The following LTBP1 variants were observed in gnomAD, a reference collection of about 807,000 sequenced individuals.
The protein encoded by LTBP1 is latent transforming growth factor beta binding protein 1.
LTBP1 carries 129 observed loss-of-function variants against 207.6 expected under a neutral mutation model. The observed-to-expected ratio is 0.62, with a 90% CI of 0.54 to 0.72. The LOEUF is 0.72. Among genes scored for constraint, LTBP1 ranks in the 30% least tolerant of loss-of-function variants. The pLI, the probability that LTBP1 is intolerant of heterozygous loss-of-function variation, is 0.00. For missense variants in LTBP1, 2,281 were observed against 2,217.2 expected (o/e 1.03, Z -0.58); for synonymous variants, 963 against 833.7 (o/e 1.16, Z -2.67).
At chr2:32,978,666 AT>A (rs375742867) in intron 2 of LTBP1, among the ~76,000 whole-genome samples, 1,370 of 115,622 alleles carry the variant, frequency 0.012, 5 homozygotes, top group African/African-American at 0.025. Flanking sequence ...TTTTTTTTTA[AT>A]TTTTTTTTTT....
chr2:33,096,706 G>A (rs2079414168), intron 3 of LTBP1, among the ~76,000 whole-genome samples: 1 of 152,144 alleles, frequency 6.6e-6, no homozygotes. Context: ...TAAGAGAATG[G>A]AAAGGAATTG....
chr2:32,965,477 C>T (rs1679818023), intron 2 of LTBP1, among the ~76,000 whole-genome samples: 1 of 152,184 alleles, frequency 6.6e-6, no homozygotes, highest in Non-Finnish European at 1.5e-5. Context: ...GCCCTGCCTA[C>T]TCATCCCTCC....
intron 7 of LTBP1, among the ~76,000 whole-genome samples, chr2:33,202,229 C>T (rs145430589): frequency 6.6e-6 from 1 of 151,958 alleles, no homozygotes; most frequent in African/African-American, 2.4e-5. Context: ...ATACTTTTGT[C>T]ACAGGACTTT....
intron 31 of LTBP1, among the ~76,000 whole-genome samples, chr2:33,384,371 C>T (rs1029185271): frequency 4.6e-5 from 7 of 152,094 alleles, no homozygotes; most frequent in Middle Eastern, 3.2e-3. Flanking sequence ...TAAGCATTTG[C>T]GCTTGGGGCA....
At chr2:33,382,545 C>T (rs957696607) in intron 31 of LTBP1, among the ~76,000 whole-genome samples, 2 of 152,142 alleles carry the variant, frequency 1.3e-5, no homozygotes. Flanking sequence ...CTTTAGTCAT[C>T]GTCTCTGTGA....
intron 3 of LTBP1, among the ~76,000 whole-genome samples, chr2:33,036,726 G>A (rs1336649198): frequency 1.3e-5 from 2 of 152,182 alleles, no homozygotes; most frequent in African/African-American, 2.4e-5. Flanking sequence ...CCAAAGTGCT[G>A]GGATTACAGG....
At chr2:33,091,598 T>C (rs1572595420) in intron 3 of LTBP1, among the ~76,000 whole-genome samples, 1 of 152,350 alleles carries the variant, frequency 6.6e-6, no homozygotes, top group African/African-American at 2.4e-5. Context: ...ATGCTGCTTA[T>C]GAACACTTCT....
chr2:33,186,184 T>G (rs562660055), intron 5 of LTBP1, among the ~76,000 whole-genome samples: 2 of 152,342 alleles, frequency 1.3e-5, no homozygotes, highest in Non-Finnish European at 2.9e-5. Context: ...TTTAGTGTCT[T>G]AAATAGAGAA....
intron 2 of LTBP1, among the ~76,000 whole-genome samples, chr2:32,995,924 G>A (rs938025101): frequency 6.6e-6 from 1 of 152,172 alleles, no homozygotes; most frequent in Non-Finnish European, 1.5e-5. Context: ...TGAGGAAATC[G>A]AGGTCTATTG....
intron 3 of LTBP1, among the ~76,000 whole-genome samples, chr2:33,091,340 T>C (rs2079078635): frequency 6.6e-6 from 1 of 152,152 alleles, no homozygotes; most frequent in Non-Finnish European, 1.5e-5. Flanking sequence ...AGCATAGATA[T>C]TGTGTTAATA....
intron 26 of LTBP1, among the ~76,000 whole-genome samples, chr2:33,351,732 C>T (rs531170335): frequency 6.6e-6 from 1 of 152,262 alleles, no homozygotes; most frequent in East Asian, 1.9e-4. Context: ...AGTGGTTTTT[C>T]ATCTTTTCCC....
intron 2 of LTBP1, among the ~76,000 whole-genome samples, chr2:33,007,087 C>T (rs960043179): frequency 2.0e-5 from 3 of 152,142 alleles, no homozygotes; most frequent in Admixed American, 6.5e-5. Flanking sequence ...TTTTTTGAGA[C>T]GGAGTCTCAC....
intron 5 of LTBP1, among the ~76,000 whole-genome samples, chr2:33,150,880 C>T (rs1469364166): frequency 6.6e-6 from 1 of 151,150 alleles, no homozygotes; most frequent in Non-Finnish European, 1.5e-5. Flanking sequence ...GGATTACAGG[C>T]GTGCGCCACC....
At chr2:32,995,021 C>G (rs565052007) in intron 2 of LTBP1, among the ~76,000 whole-genome samples, 1 of 152,218 alleles carries the variant, frequency 6.6e-6, no homozygotes, top group South Asian at 2.1e-4. Flanking sequence ...GAAACCCCAT[C>G]TTTTAAAAAA....
chr2:33,007,851 C>T (rs142352563), intron 2 of LTBP1, among the ~76,000 whole-genome samples: 3 of 152,222 alleles, frequency 2.0e-5, no homozygotes, highest in Admixed American at 6.5e-5. Flanking sequence ...TACATATAAG[C>T]GCTCTTTGTA....
chr2:32,971,895 T>C, intron 2 of LTBP1, among the ~76,000 whole-genome samples: 1 of 152,172 alleles, frequency 6.6e-6, no homozygotes, highest in Admixed American at 6.5e-5. Flanking sequence ...TCTTTATATG[T>C]CTGGTAGAAT....
At chr2:33,020,823 C>T in intron 2 of LTBP1, 86 bp from the exon 3 acceptor site, 1 of 1,312,566 alleles carries the variant, frequency 7.6e-7, no homozygotes, top group Non-Finnish European at 1.0e-6. Flanking sequence ...GAACAAACAA[C>T]CTGATGCTAC....
intron 5 of LTBP1, among the ~76,000 whole-genome samples, chr2:33,159,378 AT>A (rs1442557191): frequency 1.3e-5 from 2 of 152,240 alleles, no homozygotes; most frequent in Non-Finnish European, 2.9e-5. Context: ...AGTTTGAGTT[AT>A]CAAAAAGCTG....
At chr2:33,154,427 A>G (rs2083785039) in intron 5 of LTBP1, among the ~76,000 whole-genome samples, 1 of 152,172 alleles carries the variant, frequency 6.6e-6, no homozygotes, top group African/African-American at 2.4e-5. Flanking sequence ...ATGTACTGGC[A>G]TATGTGTATA....
Sources: gnomAD v4.1 joint callset for allele counts (sites outside exome capture counted in the v4.1 genomes callset) on GRCh38, gnomAD v4.1.1 for gene constraint, MANE v1.5 for transcripts, NCBI Gene and HGNC (gene_info 2026-07-23, HGNC 2026-07-21) for gene names.